Variants in PDE8B observed in about 807,000 individuals in gnomAD.
PDE8B encodes phosphodiesterase 8B, also known as high affinity cAMP-specific and IBMX-insensitive 3',5'-cyclic phosphodiesterase 8B.
In PDE8B, 26 loss-of-function variants were observed where a neutral mutation model predicts 101.3. That is an observed-to-expected ratio of 0.26 (90% confidence interval 0.19 to 0.36). The LOEUF (loss-of-function observed/expected upper bound fraction) is 0.36, where lower values mean the gene tolerates loss of function less well. PDE8B is among the 10% of genes least tolerant of loss of function. PDE8B has a pLI of 1.00. For missense variants in PDE8B, 810 were observed against 1,163.1 expected, an observed-to-expected ratio of 0.70 and a Z score of 4.42; for synonymous variants, 424 against 429.3, an observed-to-expected ratio of 0.99 and a Z score of 0.15.
intron 5 of PDE8B, 26 bp downstream of exon 5, chr5:77,331,485 T>A (rs1777113881): frequency 3.2e-6 from 5 of 1,579,408 alleles, no homozygotes; most frequent in Non-Finnish European, 3.5e-6. Flanking sequence ...CCAGCATCTC[T>A]CTCAGTTGCA....
chr5:77,232,518 T>C (rs1753785616), intron 1 of PDE8B, among the ~76,000 whole-genome samples: 1 of 152,266 alleles, frequency 6.6e-6, no homozygotes, highest in African/African-American at 2.4e-5. Flanking sequence ...AGGGGGAAGA[T>C]GCTGTGTGTT....
chr5:77,305,459 A>G (rs186808826), intron 1 of PDE8B, among the ~76,000 whole-genome samples: 2 of 152,318 alleles, frequency 1.3e-5, no homozygotes, highest in East Asian at 3.9e-4. Context: ...AGCAGGGCCC[A>G]CAACTGAGAG....
At chr5:77,404,906 ACAC>A in intron 12 of PDE8B, 109 bp downstream of exon 12, 1 of 713,068 alleles carries the variant, frequency 1.4e-6, no homozygotes, top group East Asian at 2.7e-5. Flanking sequence ...GAGTTCAACA[ACAC>A]CGACTTATTT....
At chr5:77,365,204 A>G (rs1783900931) in intron 10 of PDE8B, among the ~76,000 whole-genome samples, 1 of 152,126 alleles carries the variant, frequency 6.6e-6, no homozygotes, top group Admixed American at 6.5e-5. Flanking sequence ...ATCAAAGAAA[A>G]CAACAACAAC....
intron 1 of PDE8B, among the ~76,000 whole-genome samples, chr5:77,251,710 T>G (rs1342264888): frequency 1.3e-5 from 2 of 152,228 alleles, no homozygotes; most frequent in Non-Finnish European, 2.9e-5. Flanking sequence ...TTCCTTTTTT[T>G]GTGTCTGTGT....
the PDE8B span, among the ~76,000 whole-genome samples, chr5:77,201,519 G>T: frequency 2.0e-5 from 3 of 152,152 alleles, no homozygotes; most frequent in African/African-American, 7.2e-5. Flanking sequence ...CTGGTTTCTA[G>T]ACTCAAGATT....
At chr5:77,190,647 G>T in the PDE8B span, among the ~76,000 whole-genome samples, 53 of 152,310 alleles carry the variant, frequency 3.5e-4, no homozygotes, top group African/African-American at 1.2e-3. Flanking sequence ...ACTTGGCCCT[G>T]GTAAGGTCTG....
the PDE8B span, among the ~76,000 whole-genome samples, chr5:77,161,391 T>TGATTA: frequency 6.6e-6 from 1 of 152,232 alleles, no homozygotes; most frequent in Non-Finnish European, 1.5e-5. Flanking sequence ...TTCCATTGTA[T>TGATTA]GATTATCATT....
chr5:77,390,095 T>A (rs990129863), intron 10 of PDE8B, among the ~76,000 whole-genome samples: 1 of 152,188 alleles, frequency 6.6e-6, no homozygotes, highest in Admixed American at 6.5e-5. Flanking sequence ...TGACAAAACT[T>A]CTTTTTAATT....
intron 10 of PDE8B, among the ~76,000 whole-genome samples, chr5:77,386,356 T>G (rs997752474): frequency 1.3e-5 from 2 of 152,202 alleles, no homozygotes; most frequent in African/African-American, 4.8e-5. Context: ...CTTGTTGATC[T>G]GTGTAATATT....
chr5:77,320,929 T>G (rs535723198), intron 2 of PDE8B, among the ~76,000 whole-genome samples: 21 of 152,224 alleles, frequency 1.4e-4, no homozygotes, highest in African/African-American at 4.6e-4. Context: ...TACTTAAGTT[T>G]TGTTTTGTTT....
intron 1 of PDE8B, among the ~76,000 whole-genome samples, chr5:77,275,995 T>TA (rs1177157160): frequency 5.9e-5 from 9 of 152,182 alleles, no homozygotes; most frequent in Non-Finnish European, 1.3e-4. Context: ...ATTAATTATG[T>TA]AAAAAATAAA....
intron 10 of PDE8B, among the ~76,000 whole-genome samples, chr5:77,364,156 G>A (rs768135303): frequency 4.6e-5 from 7 of 152,176 alleles, no homozygotes; most frequent in Non-Finnish European, 1.0e-4. Context: ...GGCCATGAGA[G>A]CACCTCGTCC....
intron 15 of PDE8B, 82 bp from the exon 16 acceptor site, chr5:77,412,018 T>A: frequency 1.1e-5 from 15 of 1,410,940 alleles, no homozygotes; most frequent in Non-Finnish European, 1.5e-5. Context: ...TTTCTAGTAG[T>A]AACTATGAAG....
intron 1 of PDE8B, among the ~76,000 whole-genome samples, chr5:77,294,939 A>G (rs1016509549): frequency 6.6e-6 from 1 of 150,726 alleles, no homozygotes; most frequent in African/African-American, 2.4e-5. Context: ...ACTCCTCTAT[A>G]TAATAGGAGC....
chr5:77,246,880 GACTCCACCTGTGTGACCTTA>G (rs535526765), intron 1 of PDE8B: 1 of 152,192 alleles, frequency 6.6e-6, no homozygotes, highest in African/African-American at 2.4e-5. Context: ...CTTTGATCTT[GACTCCACCTGTGTGACCTTA>G]ACTCCACCTG....
chr5:77,179,611 G>A, the PDE8B span, among the ~76,000 whole-genome samples: 1 of 152,218 alleles, frequency 6.6e-6, no homozygotes, highest in East Asian at 1.9e-4. Context: ...TACCCAGATT[G>A]GAGGGGATTT....
At chr5:77,260,616 C>G (rs1402873920) in intron 1 of PDE8B, among the ~76,000 whole-genome samples, 1 of 120,838 alleles carries the variant, frequency 8.3e-6, no homozygotes, top group Non-Finnish European at 1.6e-5. Flanking sequence ...GAGACAGAGT[C>G]TCACTCTGTT....
chr5:77,275,204 G>GA (rs1763606921), intron 1 of PDE8B, among the ~76,000 whole-genome samples: 1 of 151,790 alleles, frequency 6.6e-6, no homozygotes, highest in East Asian at 1.9e-4. Flanking sequence ...TTTTAAAAAA[G>GA]AAAAAATATA....
Sources: gnomAD v4.1 joint callset for allele counts (sites outside exome capture counted in the v4.1 genomes callset) on GRCh38, gnomAD v4.1.1 for gene constraint, MANE v1.5 for transcripts, NCBI Gene and HGNC (gene_info 2026-07-23, HGNC 2026-07-21) for gene names.